The following ANK2 variants were observed in gnomAD, a reference collection of about 807,000 sequenced individuals.
The protein encoded by ANK2 is ankyrin 2, also known as ankyrin-2.
A neutral mutation model predicts 360.5 loss-of-function variants in ANK2; 83 were observed. The observed-to-expected ratio is 0.23, with a 90% CI of 0.19 to 0.28. The LOEUF is 0.28. ANK2 is among the 10% of genes least tolerant of loss of function. ANK2 has a pLI of 1.00. For synonymous variants in ANK2, 1,740 were observed against 1,759.5 expected (o/e 0.99, Z 0.28); for missense variants, 4,201 against 4,795.7 (o/e 0.88, Z 3.66).
intron 24 of ANK2, among the ~76,000 whole-genome samples, chr4:113,315,976 A>G (rs1020214763): frequency 3.3e-5 from 5 of 151,554 alleles, no homozygotes; most frequent in African/African-American, 1.2e-4. Flanking sequence ...GATCTTAGCT[A>G]TCTTTGTGAT....
rs2076725604 is a variant in ANK2, at chr4:112,881,676, A to G, written c.-39-22779A>G. 3 of 472,902 alleles carry G rather than the reference A, an allele frequency of 6.3e-6. No individual in the cohort carries two copies. In the Admixed American group the frequency reaches 1.0e-4, roughly 16 times the overall value. 29.3% of individuals were successfully genotyped at this position (472,902 alleles called of 1,614,324 possible). A position where few individuals can be genotyped will look rare whatever the true frequency, so the allele number is the denominator to read the frequency against. The stretch of plus-strand genomic sequence containing the variant: ...TCCACAGAACAGAAGCTAAAATACA[A>G]TTAGTCACAAACACAGTTCTCGAGT... On this transcript the variant is annotated intron_variant, in intron 1 of 30. Coordinates refer to the ANK2 transcript ENST00000503271.
intron 37 of ANK2, among the ~76,000 whole-genome samples, chr4:113,352,440 G>A (rs964592277): frequency 1.3e-5 from 2 of 152,092 alleles, no homozygotes; most frequent in African/African-American, 4.8e-5. Context: ...ATGAAATGCC[G>A]GTTTGCAGCT....
chr4:112,811,183 TGCCTCG>T, the ANK2 span, among the ~76,000 whole-genome samples: 1 of 150,948 alleles, frequency 6.6e-6, no homozygotes, highest in Non-Finnish European at 1.5e-5. Flanking sequence ...GTAATCCACC[TGCCTCG>T]GCCTCCCAAA....
intron 1 of ANK2, among the ~76,000 whole-genome samples, chr4:113,050,019 C>T (rs62314886): frequency 1.3e-5 from 2 of 152,192 alleles, no homozygotes; most frequent in South Asian, 4.1e-4. Flanking sequence ...AATGGATACA[C>T]TGACTGGAGC....
chr4:113,368,817 C>T (rs1210619696), intron 42 of ANK2, among the ~76,000 whole-genome samples: 2 of 151,890 alleles, frequency 1.3e-5, no homozygotes, highest in Non-Finnish European at 2.9e-5. Context: ...AGGAGAAGGA[C>T]CAAGGAAAAG....
At chr4:112,770,470 C>T in the ANK2 span, among the ~76,000 whole-genome samples, 1 of 152,182 alleles carries the variant, frequency 6.6e-6, no homozygotes, top group African/African-American at 2.4e-5. Context: ...CTTTGGGAGG[C>T]CGATGAGGGT....
chr4:112,729,141 T>C, the ANK2 span, among the ~76,000 whole-genome samples: 2 of 152,036 alleles, frequency 1.3e-5, no homozygotes, highest in African/African-American at 4.8e-5. Context: ...AAGGCCGCAG[T>C]GAGGCATGTT....
chr4:113,207,652 A>G (rs532574629), intron 4 of ANK2, among the ~76,000 whole-genome samples: 1 of 151,270 alleles, frequency 6.6e-6, no homozygotes, highest in East Asian at 1.9e-4. Flanking sequence ...ATCAAGAACC[A>G]AAATGGTGAT....
At chr4:113,222,387 A>G (rs2099160898) in intron 4 of ANK2, among the ~76,000 whole-genome samples, 1 of 145,846 alleles carries the variant, frequency 6.9e-6, no homozygotes, top group African/African-American at 2.6e-5. Flanking sequence ...TGTTCTCTGA[A>G]ACAATTTTTT....
intron 2 of ANK2, among the ~76,000 whole-genome samples, chr4:112,932,331 A>G (rs1364126496): frequency 6.6e-6 from 1 of 152,120 alleles, no homozygotes; most frequent in Non-Finnish European, 1.5e-5. Flanking sequence ...ATCTCTACTA[A>G]AAACACAAAA....
intron 35 of ANK2, among the ~76,000 whole-genome samples, chr4:113,346,973 T>A (rs1173012065): frequency 2.0e-5 from 3 of 152,154 alleles, no homozygotes. Flanking sequence ...CACATGGCAA[T>A]CTATAGGTGG....
chr4:112,851,096 A>G (rs1388927063), intron 1 of ANK2, among the ~76,000 whole-genome samples: 2 of 152,176 alleles, frequency 1.3e-5, no homozygotes, highest in East Asian at 3.9e-4. Context: ...AGTAAGACAG[A>G]TGAAGACCAA....
intron 2 of ANK2, among the ~76,000 whole-genome samples, chr4:113,039,321 A>G (rs2062358250): frequency 6.6e-6 from 1 of 151,972 alleles, no homozygotes; most frequent in African/African-American, 2.4e-5. Flanking sequence ...AAAGGGTAAC[A>G]TTGTGAAAAA....
intron 9 of ANK2, among the ~76,000 whole-genome samples, chr4:113,243,127 A>G (rs2040894902): frequency 1.3e-5 from 2 of 152,286 alleles, no homozygotes; most frequent in South Asian, 4.1e-4. Context: ...AATTATCTGG[A>G]GTAGATTTGG....
chr4:112,761,263 A>C, the ANK2 span, among the ~76,000 whole-genome samples: 15 of 152,176 alleles, frequency 9.9e-5, 1 homozygote, highest in South Asian at 1.2e-3. Context: ...TGTGCCATTT[A>C]TTTCTTTTGT....
At chr4:113,085,418 A>G (rs1244226607) in intron 1 of ANK2, among the ~76,000 whole-genome samples, 2 of 151,892 alleles carry the variant, frequency 1.3e-5, no homozygotes, top group Non-Finnish European at 2.9e-5. Flanking sequence ...GGTTCAAGCA[A>G]TTCTCCTGCC....
intron 1 of ANK2, among the ~76,000 whole-genome samples, chr4:113,071,562 C>G (rs2077553693): frequency 6.6e-6 from 1 of 152,180 alleles, no homozygotes; most frequent in African/African-American, 2.4e-5. Flanking sequence ...CCTTGATCAG[C>G]TAACATGCGC....
chr4:113,255,462 C>G (rs1383141338), intron 10 of ANK2, among the ~76,000 whole-genome samples: 1 of 152,164 alleles, frequency 6.6e-6, no homozygotes, highest in Non-Finnish European at 1.5e-5. Context: ...GCCCTAATAA[C>G]TGTAAAATCA....
intron 1 of ANK2, among the ~76,000 whole-genome samples, chr4:113,167,624 A>G (rs1166304943): frequency 6.6e-6 from 1 of 152,092 alleles, no homozygotes; most frequent in Non-Finnish European, 1.5e-5. Context: ...TAAAGTAAAT[A>G]TTTTATTTAA....
Sources: gnomAD v4.1 joint callset for allele counts (sites outside exome capture counted in the v4.1 genomes callset) on GRCh38, gnomAD v4.1.1 for gene constraint, MANE v1.5 for transcripts, NCBI Gene and HGNC (gene_info 2026-07-23, HGNC 2026-07-21) for gene names.